ZDHHC15: variants seen among roughly 807,000 people sequenced by gnomAD.
The protein encoded by ZDHHC15 is palmitoyltransferase ZDHHC15.
In ZDHHC15, 19 loss-of-function variants were observed where a neutral mutation model predicts 31.7. That is an observed-to-expected ratio of 0.60 (90% CI 0.42 to 0.88). The LOEUF (loss-of-function observed/expected upper bound fraction) is 0.88, where lower values mean the gene tolerates loss of function less well. ZDHHC15 is among the 40% of genes least tolerant of loss of function. The pLI is 0.00. For missense variants in ZDHHC15, 209 were observed against 251.2 expected (o/e 0.83, Z 1.14); for synonymous variants, 103 against 90.0 (o/e 1.14, Z -0.82).
chrX:75,449,201 T>TACACACACAC (rs3075226), intron 4 of ZDHHC15, among the ~76,000 whole-genome samples: 1 of 76,650 alleles, frequency 1.3e-5, no homozygotes, highest in African/African-American at 4.9e-5. Flanking sequence ...TCTCTCTCTA[T>TACACACACAC]ACACACACAC....
At chrX:75,404,882 T>C (rs935906717) in intron 10 of ZDHHC15, among the ~76,000 whole-genome samples, 2 of 111,744 alleles carry the variant, frequency 1.8e-5, no homozygotes, top group African/African-American at 3.3e-5. Flanking sequence ...ACTGGGTATA[T>C]ACCCAGAGGA....
intron 2 of ZDHHC15, among the ~76,000 whole-genome samples, chrX:75,481,103 AT>A (rs1414115709): frequency 5.5e-5 from 6 of 109,188 alleles, no homozygotes; most frequent in Admixed American, 2.9e-4. Context: ...ATGCCTTTAA[AT>A]TTTTTTTTAA....
intron 2 of ZDHHC15, among the ~76,000 whole-genome samples, chrX:75,494,348 G>A (rs997733251): frequency 9.0e-6 from 1 of 111,261 alleles, no homozygotes; most frequent in Admixed American, 9.6e-5. Flanking sequence ...CGTGAAAATG[G>A]CCATACTGCC....
chrX:75,401,290 A>G (rs1352509210), intron 10 of ZDHHC15, among the ~76,000 whole-genome samples: 2 of 111,487 alleles, frequency 1.8e-5, no homozygotes, highest in African/African-American at 6.5e-5. Context: ...AGAAAAACAC[A>G]CTTAAACACA....
Position 75,462,876 on chromosome X carries a change from C to A in ZDHHC15, c.259-11954G>T, listed in dbSNP as rs181379591. On this transcript the variant is annotated intron_variant, in intron 3 of 11. Coordinates refer to ENST00000373367, the MANE Select transcript of ZDHHC15 (RefSeq NM_144969.3). ...ACTAAAAGAACTAGAGAACCAAGAG[C>A]AAAGAAACACCAAAGCTAGCAGAAG... 3.6e-5 allele frequency among the ~76,000 whole-genome samples: 4 copies of A among 110,520 alleles called. No homozygotes were observed. In the East Asian group the frequency reaches 8.6e-4, roughly 24 times the overall value.
intron 2 of ZDHHC15, among the ~76,000 whole-genome samples, chrX:75,488,964 T>G (rs779964736): frequency 3.2e-4 from 36 of 111,656 alleles, no homozygotes; most frequent in Non-Finnish European, 6.2e-4. Flanking sequence ...CCACGCCTGG[T>G]TCGGAGGATC....
intron 10 of ZDHHC15, among the ~76,000 whole-genome samples, chrX:75,394,898 C>T (rs1302390472): frequency 8.9e-6 from 1 of 111,777 alleles, no homozygotes; most frequent in Non-Finnish European, 1.9e-5. Flanking sequence ...ACATTTCATC[C>T]AACAGCTGCA....
intron 7 of ZDHHC15, 78 bp from the exon 8 acceptor site, chrX:75,424,862 G>T: frequency 1.0e-6 from 1 of 983,230 alleles, no homozygotes; most frequent in Non-Finnish European, 1.3e-6. Context: ...TAGGTTAGTA[G>T]TTTTCACATG....
rs377090202 is a variant in ZDHHC15, at chrX:75,421,874, T to C, written c.853A>G (p.Ile285Val). ...GDKKKFWLIP[I>V]GSSPGDGHSF... ...GTAATATTTACTCACCTGGAACCAA[T>C]AGGTATTAACCAGAACTTCTTCTTA... The change falls in exon 9 of 12, where the codon ATT becomes GTT. Residue 285 changes from isoleucine to valine, a missense_variant. Transcript: ENST00000373367. The C allele has an allele frequency of 6.5e-5, 79 of 1,206,900 alleles. No individual in the cohort carries two copies. Among genetic ancestry groups the C allele is most frequent in the Middle Eastern group, 4.6e-4 (2 of 4,352 alleles).
Position 75,370,275 on chromosome X carries a change from G to A in ZDHHC15, c.*2703C>T, listed in dbSNP as rs1225864462. 1 of 111,003 alleles carries A rather than the reference G, an allele frequency of 9.0e-6. No individual in the cohort carries two copies. The highest frequency in any genetic ancestry group is 1.9e-5 in the Non-Finnish European group (1 of 53,026). The allele number at this position is 111,003 out of a possible 1,213,427, so 9.1% of individuals were successfully genotyped here. Reference sequence around the variant, plus strand: ...AATTAGGGAATGAGATTCCACAGAGGTTATTGGACAGGGATCCAAAGAAAA... The same window carrying A: ...AATTAGGGAATGAGATTCCACAGAGATTATTGGACAGGGATCCAAAGAAAA... On this transcript the variant is annotated 3_prime_UTR_variant, in exon 12 of 12. Transcript: ENST00000373367.
intron 10 of ZDHHC15, among the ~76,000 whole-genome samples, chrX:75,398,807 G>A (rs1444333662): frequency 3.6e-5 from 4 of 110,289 alleles, no homozygotes; most frequent in Non-Finnish European, 5.7e-5. Context: ...GCTTCAGAGT[G>A]TGAGGTGACC....
At chrX:75,442,177 T>G (rs1418437911) in intron 4 of ZDHHC15, among the ~76,000 whole-genome samples, 1 of 112,065 alleles carries the variant, frequency 8.9e-6, no homozygotes, top group African/African-American at 3.2e-5. Flanking sequence ...GTAGACTGAG[T>G]AAAGCAGATT....
chrX:75,473,440 T>G (rs1022737058), intron 3 of ZDHHC15, among the ~76,000 whole-genome samples: 9 of 111,104 alleles, frequency 8.1e-5, no homozygotes, highest in Non-Finnish European at 1.7e-4. Context: ...CAACATTATG[T>G]TCTGCTTGCC....
chrX:75,476,245 TTTC>T (rs2084602895), intron 3 of ZDHHC15, among the ~76,000 whole-genome samples: 2 of 110,048 alleles, frequency 1.8e-5, no homozygotes, highest in East Asian at 2.8e-4. Flanking sequence ...AGAGGAAATG[TTTC>T]TTATTTTTTT....
At chrX:75,450,642 T>C (rs1056674838) in intron 4 of ZDHHC15, 160 bp downstream of exon 4, 2 of 1,066,481 alleles carry the variant, frequency 1.9e-6, no homozygotes, top group South Asian at 2.1e-5. Flanking sequence ...AGCTTTGATA[T>C]GTGTTTAAAA....
intron 4 of ZDHHC15, among the ~76,000 whole-genome samples, chrX:75,433,656 AGTGTGTGTGTGTGT>A (rs138064587): frequency 9.3e-5 from 5 of 53,541 alleles, no homozygotes; most frequent in Non-Finnish European, 1.6e-4. Context: ...ATGGCTGAGT[AGTGTGTGTGTGTGT>A]GTGTGTGTGT....
At chrX:75,490,825 T>C (rs2084873867) in intron 2 of ZDHHC15, among the ~76,000 whole-genome samples, 1 of 111,954 alleles carries the variant, frequency 8.9e-6, no homozygotes, top group Admixed American at 9.5e-5. Context: ...TGCTTGTGAT[T>C]TTTGTACATT....
At position 75,515,592 on chromosome X, in the gene ZDHHC15, T is replaced by C. The variant is rs926312411; in HGVS notation, c.136+7297A>G. 2.7e-5 allele frequency among the ~76,000 whole-genome samples: 3 copies of C among 111,318 alleles called. No individual in the cohort carries two copies. In the Admixed American group the frequency reaches 2.9e-4, roughly 11 times the overall value. ...ATTGATGGAATGTATCTCAAAATAG[T>C]AAGAGCTATTTATGACAAACCCACA... On this transcript the variant is annotated intron_variant, in intron 1 of 11. Transcript: ENST00000373367.
At chrX:75,493,033 T>C (rs2084926211) in intron 2 of ZDHHC15, among the ~76,000 whole-genome samples, 1 of 111,481 alleles carries the variant, frequency 9.0e-6, no homozygotes, top group Non-Finnish European at 1.9e-5. Context: ...GATAGACCGC[T>C]AGCAAGACTA....
Sources: allele counts gnomAD v4.1 joint callset (sites outside exome capture counted in the v4.1 genomes callset), GRCh38; gene constraint gnomAD v4.1.1; transcripts MANE v1.5; gene names NCBI Gene and HGNC (gene_info 2026-07-23, HGNC 2026-07-21).